Variants in CNTNAP2 observed in about 807,000 individuals in gnomAD.
The protein encoded by CNTNAP2 is contactin-associated protein-like 2.
In CNTNAP2, 98 loss-of-function variants were observed where a neutral mutation model predicts 155.2. The observed-to-expected ratio is 0.63, with a 90% CI of 0.54 to 0.75. The LOEUF is 0.75. CNTNAP2 is among the 30% of genes least tolerant of loss of function. The probability of loss-of-function intolerance (pLI) is 0.00; values close to 1 mark genes in which losing one functional copy is unlikely to be tolerated. For synonymous variants in CNTNAP2, 651 were observed against 631.2 expected, an observed-to-expected ratio of 1.03 and a Z score of -0.47; for missense variants, 1,727 against 1,688.1, an observed-to-expected ratio of 1.02 and a Z score of -0.40.
intron 12 of CNTNAP2, among the ~76,000 whole-genome samples, chr7:147,572,709 C>G (rs1353226616): frequency 1.5e-3 from 69 of 46,590 alleles, no homozygotes; most frequent in Non-Finnish European, 5.5e-4. Context: ...GAAACACACA[C>G]ACACACACAC....
chr7:146,733,398 T>C (rs1287628731), intron 1 of CNTNAP2, among the ~76,000 whole-genome samples: 3 of 151,582 alleles, frequency 2.0e-5, no homozygotes, highest in African/African-American at 4.8e-5. Context: ...TTATTTATAG[T>C]GTTTTATAAT....
At chr7:147,196,976 G>A (rs10274224) in intron 8 of CNTNAP2, among the ~76,000 whole-genome samples, 1 of 151,734 alleles carries the variant, frequency 6.6e-6, no homozygotes, top group African/African-American at 2.4e-5. Context: ...TGATTTACGC[G>A]GACTTCTAGA....
chr7:147,321,862 C>G (rs1795357646), intron 9 of CNTNAP2, among the ~76,000 whole-genome samples: 1 of 152,082 alleles, frequency 6.6e-6, no homozygotes, highest in African/African-American at 2.4e-5. Context: ...CACATAGCAC[C>G]CTATTTTTAT....
At chr7:147,452,299 G>A (rs940831270) in intron 10 of CNTNAP2, among the ~76,000 whole-genome samples, 2 of 152,148 alleles carry the variant, frequency 1.3e-5, no homozygotes, top group Non-Finnish European at 2.9e-5. Context: ...TTGCATCTTA[G>A]AGAAATCATT....
intron 13 of CNTNAP2, among the ~76,000 whole-genome samples, chr7:147,676,243 A>G (rs909570641): frequency 6.6e-6 from 1 of 152,062 alleles, no homozygotes; most frequent in Non-Finnish European, 1.5e-5. Flanking sequence ...TATTGTAAGA[A>G]TTAAATGGAA....
At chr7:147,838,425 G>A (rs376462273) in intron 13 of CNTNAP2, among the ~76,000 whole-genome samples, 3 of 152,038 alleles carry the variant, frequency 2.0e-5, no homozygotes, top group African/African-American at 4.8e-5. Flanking sequence ...ACATTGTCAG[G>A]CTGCAAATTT....
chr7:147,358,661 A>G (rs1332556911), intron 9 of CNTNAP2, among the ~76,000 whole-genome samples: 4 of 152,080 alleles, frequency 2.6e-5, no homozygotes, highest in African/African-American at 9.7e-5. Context: ...AGTGACTACC[A>G]AGCATTTTCT....
intron 1 of CNTNAP2, among the ~76,000 whole-genome samples, chr7:146,664,658 A>G (rs1378633641): frequency 2.0e-5 from 3 of 152,192 alleles, no homozygotes; most frequent in Non-Finnish European, 2.9e-5. Flanking sequence ...ATGGTGGCTC[A>G]TAAAATGAAT....
intron 14 of CNTNAP2, among the ~76,000 whole-genome samples, chr7:147,968,509 C>T (rs1563152158): frequency 6.6e-6 from 1 of 152,256 alleles, no homozygotes; most frequent in Non-Finnish European, 1.5e-5. Flanking sequence ...TTTAATGGCA[C>T]CCACCCAAGG....
chr7:148,083,966 A>T (rs2116552363), intron 15 of CNTNAP2, among the ~76,000 whole-genome samples: 1 of 152,282 alleles, frequency 6.6e-6, no homozygotes, highest in East Asian at 1.9e-4. Flanking sequence ...TTAAACCAGG[A>T]TCTGACACTC....
chr7:148,339,896 C>G (rs1798198088), intron 21 of CNTNAP2, among the ~76,000 whole-genome samples: 1 of 151,920 alleles, frequency 6.6e-6, no homozygotes, highest in Non-Finnish European at 1.5e-5. Context: ...CGAAGCACTA[C>G]CAAGTCTACT....
chr7:147,010,007 C>CTTTTT (rs67223892), intron 3 of CNTNAP2, among the ~76,000 whole-genome samples: 3 of 123,724 alleles, frequency 2.4e-5, no homozygotes, highest in African/African-American at 3.0e-5. Context: ...TATCTTGGTT[C>CTTTTT]TTTTTTTTTT....
At chr7:146,486,331 T>C (rs1437860699) in intron 1 of CNTNAP2, among the ~76,000 whole-genome samples, 1 of 152,094 alleles carries the variant, frequency 6.6e-6, no homozygotes, top group African/African-American at 2.4e-5. Context: ...CCCAAAGTGC[T>C]GGGATTACAG....
intron 13 of CNTNAP2, among the ~76,000 whole-genome samples, chr7:147,826,936 T>C (rs1341887468): frequency 6.7e-6 from 1 of 149,508 alleles, no homozygotes; most frequent in African/African-American, 2.5e-5. Context: ...ACATTTTTTT[T>C]TTTTTTTTTT....
intron 16 of CNTNAP2, among the ~76,000 whole-genome samples, chr7:148,118,614 C>G (rs879420233): frequency 1.3e-5 from 2 of 152,058 alleles, no homozygotes; most frequent in Non-Finnish European, 2.9e-5. Flanking sequence ...GAGACAGGGT[C>G]AAAAATAGGT....
intron 2 of CNTNAP2, among the ~76,000 whole-genome samples, chr7:146,781,935 C>CTGCTGTCTCTAGTCCGTGA (rs1166571658): frequency 6.6e-6 from 1 of 152,216 alleles, no homozygotes; most frequent in Admixed American, 6.5e-5. Flanking sequence ...TGGTACTCTT[C>CTGCTGTCTCTAGTCCGTGA]TGCTGTCTCT....
chr7:146,459,905 G>C (rs1796610980), intron 1 of CNTNAP2, among the ~76,000 whole-genome samples: 1 of 152,164 alleles, frequency 6.6e-6, no homozygotes, highest in African/African-American at 2.4e-5. Flanking sequence ...GGGAGGTAGA[G>C]GTTGCAGTGA....
At chr7:146,508,675 C>T (rs765392853) in intron 1 of CNTNAP2, among the ~76,000 whole-genome samples, 179 of 152,316 alleles carry the variant, frequency 1.2e-3, no homozygotes, top group Non-Finnish European at 2.1e-3. Flanking sequence ...CGCTCTATAC[C>T]TTCACCCATC....
chr7:147,925,684 A>C (rs1800385545), intron 14 of CNTNAP2, among the ~76,000 whole-genome samples: 1 of 152,088 alleles, frequency 6.6e-6, no homozygotes, highest in Non-Finnish European at 1.5e-5. Flanking sequence ...GATAGTCTCG[A>C]TCTCCTGACC....
Sources: gnomAD v4.1 joint callset for allele counts (sites outside exome capture counted in the v4.1 genomes callset) on GRCh38, gnomAD v4.1.1 for gene constraint, MANE v1.5 for transcripts, NCBI Gene and HGNC (gene_info 2026-07-23, HGNC 2026-07-21) for gene names.